ABL2: variants seen among roughly 807,000 people sequenced by gnomAD.
ABL2 encodes ABL proto-oncogene 2, non-receptor tyrosine kinase.
Under a neutral mutation model 107.7 loss-of-function variants are expected in ABL2, and 49 were observed. The observed-to-expected ratio is 0.45, with a 90% CI of 0.36 to 0.58. ABL2 has a LOEUF of 0.58. ABL2 is among the 20% of genes least tolerant of loss of function. The pLI, the probability that ABL2 is intolerant of heterozygous loss-of-function variation, is 0.00. For synonymous variants in ABL2, 549 were observed against 548.6 expected, an observed-to-expected ratio of 1.00 and a Z score of -0.01; for missense variants, 1,245 against 1,457.0, an observed-to-expected ratio of 0.85 and a Z score of 2.37.
chr1:179,227,347 A>T (rs1663272955), intron 1 of ABL2, among the ~76,000 whole-genome samples: 1 of 152,164 alleles, frequency 6.6e-6, no homozygotes, highest in South Asian at 2.1e-4. Flanking sequence ...TCCAACTCAT[A>T]ATGATGCTTC....
intron 1 of ABL2, among the ~76,000 whole-genome samples, chr1:179,162,209 T>C (rs113486958): frequency 4.6e-5 from 7 of 152,278 alleles, no homozygotes; most frequent in African/African-American, 1.7e-4. Context: ...TCAAATAAGA[T>C]TGGAAAATGC....
At position 179,108,922 on chromosome 1, in the gene ABL2, T is replaced by A; in HGVS notation, c.2345A>T (p.Asn782Ile). 6.2e-7 allele frequency: 1 copy of A among 1,614,008 alleles called. No homozygotes were observed. The highest frequency in any genetic ancestry group is 1.3e-5 in the African/African-American group (1 of 74,994). ...DDTSKPFPRSNSTSSMSSGLP... is the reference protein window; with the variant it reads ...DDTSKPFPRSISTSSMSSGLP... ...CCCTGAGGACATGGAAGATGTAGAGTTTGACCTTGGAAAAGGCTTGGAAGT... is the reference window on the plus strand; with the variant it reads ...CCCTGAGGACATGGAAGATGTAGAGATTGACCTTGGAAAAGGCTTGGAAGT... The change falls in exon 12 of 12, where the codon AAC becomes ATC. Residue 782 changes from asparagine (N) to isoleucine (I), a missense_variant. Asn to Ile is a moderately radical substitution (Grantham distance 149). This residue lies in a region of ABL2 where 761 missense variants were observed against 766.4 expected (regional missense o/e 0.99). Transcript: ENST00000502732.
chr1:179,128,030 T>TAAAA (rs11419750), intron 3 of ABL2, among the ~76,000 whole-genome samples: 1 of 124,970 alleles, frequency 8.0e-6, no homozygotes, highest in African/African-American at 3.1e-5. Flanking sequence ...GTGAGACTGC[T>TAAAA]AAAAAAAAAA....
Position 179,173,515 on chromosome 1 carries a change from G to A in ABL2, c.158-40141C>T, listed in dbSNP as rs937798028. Among the ~76,000 whole-genome samples, 47 of 125,214 alleles carry A rather than the reference G, an allele frequency of 3.8e-4. 1 individual carries two copies. Among genetic ancestry groups the A allele is most frequent in the African/African-American group, 1.5e-3 (44 of 29,356 alleles). The allele number at this position is 125,214 out of a possible 152,430, so 82.1% of individuals were successfully genotyped here. A position where few individuals can be genotyped will look rare whatever the true frequency, so the allele number is the denominator to read the frequency against. ...GCAGCTGGGATTACAGGCACGTGCC[G>A]CCACGCCTGTATTTTTGGTAGAGAG... On this transcript the variant is annotated intron_variant, in intron 1 of 11. Coordinates refer to ENST00000502732, the MANE Select transcript of ABL2 (RefSeq NM_007314.4).
chr1:179,112,342 C>A lies in ABL2; in HGVS notation c.1618G>T (p.Glu540Ter). ...ATGCTGGAGTCATGGAACATGGTTT[C>A]AAAAGCTTGGTGTGTTTCAGCAAAA... Reference protein sequence around the residue: ...PSFAETHQAFETMFHDSSISE... With the variant: ...PSFAETHQAF Residue 540 changes from glutamate to a stop codon, truncating the protein, a stop_gained, in exon 10 of 12, where the codon GAA becomes TAA. Transcript: ENST00000502732. LOFTEE classifies it high-confidence loss of function. 6.2e-7 allele frequency: 1 copy of A among 1,613,854 alleles called. No individual in the cohort carries two copies. Among genetic ancestry groups the A allele is most frequent in the Non-Finnish European group, 8.5e-7 (1 of 1,179,814 alleles).
chr1:179,183,853 T>C (rs1192455045), intron 1 of ABL2: 3 of 198,956 alleles, frequency 1.5e-5, no homozygotes, highest in Admixed American at 1.2e-4. Flanking sequence ...GGCCCCTAAA[T>C]GCTAGTCTCC....
At chr1:179,174,377 G>C (rs1231221357) in intron 1 of ABL2, among the ~76,000 whole-genome samples, 1 of 151,838 alleles carries the variant, frequency 6.6e-6, no homozygotes, top group East Asian at 1.9e-4. Context: ...GGGAGGCCAA[G>C]GCAGGCAGAC....
chr1:179,195,578 C>T (rs552770597), intron 1 of ABL2, among the ~76,000 whole-genome samples: 1 of 152,218 alleles, frequency 6.6e-6, no homozygotes, highest in East Asian at 1.9e-4. Flanking sequence ...TACTTGCATG[C>T]CCATGTTCAC....
Position 179,229,614 on chromosome 1 carries a change from C to A in ABL2, c.-217G>T, listed in dbSNP as rs996331984. The stretch of plus-strand genomic sequence containing the variant: ...AGATTCTGCTTTTCCCTCCTCCTGT[C>A]GCGGCTCCGCGCCCCCAACGCCGCC... On this transcript the variant is annotated 5_prime_UTR_variant, in exon 1 of 12. Coordinates refer to ENST00000502732, the MANE Select transcript of ABL2 (RefSeq NM_007314.4). 1.1e-5 allele frequency: 6 copies of A among 527,654 alleles called. No individual in the cohort carries two copies. The highest frequency in any genetic ancestry group is 2.0e-5 in the African/African-American group (1 of 49,024). The allele number at this position is 527,654 out of a possible 1,614,324, so 32.7% of individuals were successfully genotyped here.
chr1:179,224,134 C>CAAAAAAAAAAAAA (rs1181284107), intron 1 of ABL2, among the ~76,000 whole-genome samples: 3 of 34,510 alleles, frequency 8.7e-5, no homozygotes, highest in Admixed American at 4.7e-4. Flanking sequence ...CTACTCACTA[C>CAAAAAAAAAAAAA]AAAAAAAAAA....
At chr1:179,147,328 G>A (rs189358298) in intron 1 of ABL2, among the ~76,000 whole-genome samples, 11 of 151,790 alleles carry the variant, frequency 7.2e-5, no homozygotes, top group African/African-American at 1.9e-4. Flanking sequence ...ACTACAAGTA[G>A]AACTATACTT....
chr1:179,198,610 T>G (rs1661464773), intron 1 of ABL2, among the ~76,000 whole-genome samples: 3 of 131,962 alleles, frequency 2.3e-5, no homozygotes, highest in Non-Finnish European at 3.1e-5. Context: ...AGAGAACTGC[T>G]GGAACCAGGG....
chr1:179,222,251 C>CA, intron 1 of ABL2: 1 of 152,380 alleles, frequency 6.6e-6, no homozygotes, highest in East Asian at 1.9e-4. Flanking sequence ...TCTTTTGAGA[C>CA]AGAGTCTTCG....
At chr1:179,204,192 A>G (rs1461738204) in intron 1 of ABL2, among the ~76,000 whole-genome samples, 1 of 151,840 alleles carries the variant, frequency 6.6e-6, no homozygotes, top group Non-Finnish European at 1.5e-5. Flanking sequence ...ACGCCCAGCT[A>G]ATTTTTGTAT....
chr1:179,173,713 T>C (rs1445599964), intron 1 of ABL2, among the ~76,000 whole-genome samples: 1 of 152,164 alleles, frequency 6.6e-6, no homozygotes, highest in African/African-American at 2.4e-5. Flanking sequence ...ACCAAGCTAA[T>C]TATTTTAGGC....
chr1:179,121,161 T>TA (rs1170083563), intron 5 of ABL2, among the ~76,000 whole-genome samples: 1 of 152,146 alleles, frequency 6.6e-6, no homozygotes, highest in Non-Finnish European at 1.5e-5. Context: ...ACGAAAAAGA[T>TA]TTCTGTTAAT....
intron 1 of ABL2, among the ~76,000 whole-genome samples, chr1:179,195,574 C>A (rs143895299): frequency 1.3e-5 from 2 of 152,152 alleles, no homozygotes; most frequent in Admixed American, 6.5e-5. Context: ...GATATACTTG[C>A]ATGCCCATGT....
Position 179,110,316 on chromosome 1 carries a change from A to C in ABL2, c.1791T>G (p.Asp597Glu). Residue 597 changes from aspartate to glutamate, a missense_variant, in exon 11 of 12, where the codon GAT becomes GAG. Asp to Glu is a conservative substitution (Grantham distance 45). Transcript: ENST00000502732. ...ENKENIEGAQ[D>E]ATENSASSLA... Reference sequence around the variant, plus strand: ...AACTGGAAGCAGAATTTTCTGTGGCATCTTGTGCCCCTTCAATGTTCTCCT... The same window carrying C: ...AACTGGAAGCAGAATTTTCTGTGGCCTCTTGTGCCCCTTCAATGTTCTCCT... The C allele has an allele frequency of 6.2e-7, 1 of 1,614,202 alleles. No homozygotes were observed. Among genetic ancestry groups the C allele is most frequent in the Non-Finnish European group, 8.5e-7 (1 of 1,180,036 alleles).
chr1:179,131,752 A>G (rs1264398260), intron 2 of ABL2, among the ~76,000 whole-genome samples: 1 of 152,256 alleles, frequency 6.6e-6, no homozygotes, highest in African/African-American at 2.4e-5. Context: ...CCAAAATCAG[A>G]CATAAACTAA....
Sources: gnomAD v4.1 joint callset for allele counts (sites outside exome capture counted in the v4.1 genomes callset) on GRCh38, gnomAD v4.1.1 for gene constraint, gnomAD v4.1.1 regional missense constraint, MANE v1.5 for transcripts, NCBI Gene and HGNC (gene_info 2026-07-23, HGNC 2026-07-21) for gene names.